Variants in CTNNAL1 observed in about 807,000 individuals in gnomAD.
The protein encoded by CTNNAL1 is catenin alpha like 1, also known as alpha-catulin.
In CTNNAL1, 69 loss-of-function variants were observed where a neutral mutation model predicts 93.6. That is an observed-to-expected ratio of 0.74 (90% CI 0.61 to 0.90). The LOEUF (loss-of-function observed/expected upper bound fraction) is 0.90. Ranked by LOEUF, CTNNAL1 falls within the 40% of genes least tolerant of loss-of-function variation. The probability of loss-of-function intolerance (pLI) is 0.00; values close to 1 mark genes in which losing one functional copy is unlikely to be tolerated. For synonymous variants in CTNNAL1, 286 were observed against 305.4 expected (o/e 0.94, Z 0.66); for missense variants, 836 against 862.0 (o/e 0.97, Z 0.38).
chr9:108,987,745 G>A lies in CTNNAL1; in HGVS notation c.639+2981C>T, dbSNP rs1481501842. Among the ~76,000 whole-genome samples the A allele has an allele frequency of 3.3e-5, 5 of 152,240 alleles. No individual in the cohort carries two copies. In the South Asian group the frequency reaches 6.2e-4, roughly 19 times the overall value. ...AGTTCTCCTTGAAGAGGTCCTTCAC[G>A]TCCCTTGTAGTTGGATTCCTAAGTA... On this transcript the variant is annotated intron_variant, in intron 4 of 18. Transcript: ENST00000325551.
chr9:108,948,840 G>A lies in CTNNAL1; in HGVS notation c.1836-606C>T, dbSNP rs145590769. Reference sequence around the variant, plus strand: ...CAATAAGAATAACCAAATGCATTAAGAAGAGCAATGGACTAGGGATAAGTC... The same window carrying A: ...CAATAAGAATAACCAAATGCATTAAAAAGAGCAATGGACTAGGGATAAGTC... On this transcript the variant is annotated intron_variant, in intron 14 of 18. Transcript: ENST00000325551. Among the ~76,000 whole-genome samples, 600 of 152,174 alleles carry A rather than the reference G, an allele frequency of 3.9e-3. 5 individuals are homozygous for A. Among genetic ancestry groups the A allele is most frequent in the African/African-American group, 0.014 (578 of 41,536 alleles).
intron 6 of CTNNAL1, 50 bp from the exon 7 acceptor site, chr9:108,979,531 C>G (rs1416446212): frequency 6.4e-7 from 1 of 1,569,340 alleles, no homozygotes; most frequent in Non-Finnish European, 8.7e-7. Context: ...ATATTCCCAC[C>G]TGACCAAAAT....
intron 1 of CTNNAL1, among the ~76,000 whole-genome samples, chr9:109,002,066 CCT>C (rs1826849641): frequency 6.6e-6 from 1 of 152,148 alleles, no homozygotes; most frequent in South Asian, 2.1e-4. Context: ...AGCATGATGA[CCT>C]TTGAGGAAGC....
chr9:108,965,162 AC>A (rs1424673083), intron 11 of CTNNAL1, among the ~76,000 whole-genome samples: 1 of 152,114 alleles, frequency 6.6e-6, no homozygotes, highest in African/African-American at 2.4e-5. Context: ...CACCTGGCCT[AC>A]TACACTGTTG....
chr9:108,984,414 T>G lies in CTNNAL1; in HGVS notation c.662A>C (p.Lys221Thr). 1 of 1,606,078 alleles carries G rather than the reference T, an allele frequency of 6.2e-7. No homozygotes were observed. Among genetic ancestry groups the G allele is most frequent in the Non-Finnish European group, 8.5e-7 (1 of 1,172,978 alleles). The change falls in exon 5 of 19, where the codon AAG becomes ACG. Residue 221 changes from lysine (K) to threonine (T), a missense_variant. Coordinates refer to ENST00000325551, the MANE Select transcript of CTNNAL1 (RefSeq NM_003798.4). ...RQNDLKDEKK[K>T]AKMAAARAVL... ...TGCCCTAGCTGCTGCCATTTTTGCC[T>G]TTTTCTTTTCATCTTTCAAATCCTA...
chr9:108,955,274 C>T, intron 12 of CTNNAL1, among the ~76,000 whole-genome samples: 1 of 152,202 alleles, frequency 6.6e-6, no homozygotes, highest in Non-Finnish European at 1.5e-5. Context: ...GCATAAGACA[C>T]CGTGCCCAGC....
At chr9:108,959,133 G>A (rs1309523495) in intron 11 of CTNNAL1, among the ~76,000 whole-genome samples, 1 of 151,098 alleles carries the variant, frequency 6.6e-6, no homozygotes, top group Non-Finnish European at 1.5e-5. Context: ...GCTGAGGCAG[G>A]CAGATTATGA....
At position 108,972,783 on chromosome 9, in the gene CTNNAL1, A is replaced by G; in HGVS notation, c.1239T>C (p.Ala413=). The change falls in exon 9 of 19, where the codon GCT becomes GCC. Residue 413 remains alanine, a synonymous_variant. Coordinates refer to ENST00000325551, the MANE Select transcript of CTNNAL1 (RefSeq NM_003798.4). ...TTAATGCTTTTAGAACCACATGATC[A>G]GCATGGTATTTTAATAGATCTGCTG... ...QLAADLLKYH[A]DHVVLKALKL... 4 of 1,354,508 alleles carry G rather than the reference A, an allele frequency of 3.0e-6. No individual in the cohort carries two copies. Among genetic ancestry groups the G allele is most frequent in the Non-Finnish European group, 3.9e-6 (4 of 1,022,984 alleles). The allele number at this position is 1,354,508 out of a possible 1,614,324, so 83.9% of individuals were successfully genotyped here.
At chr9:108,993,277 G>A (rs1027335989) in intron 2 of CTNNAL1, among the ~76,000 whole-genome samples, 1 of 152,160 alleles carries the variant, frequency 6.6e-6, no homozygotes, top group African/African-American at 2.4e-5. Flanking sequence ...TTTCACCCTT[G>A]GGTTTTCACG....
chr9:108,943,697 T>C lies in CTNNAL1; in HGVS notation c.2055+6A>G, dbSNP rs1830314265. The C allele has an allele frequency of 1.2e-6, 2 of 1,605,240 alleles. No individual in the cohort carries two copies. The highest frequency in any genetic ancestry group is 2.7e-5 in the African/African-American group (2 of 74,444). ...TGTGTGAAAGTTTTTCATATGTCTC[T>C]TTTACCTTTAGAAATACTTTATTCT... is the stretch of plus-strand genomic sequence containing the variant. On this transcript the variant is annotated splice_donor_region_variant and intron_variant, in intron 17 of 18. Coordinates refer to ENST00000325551, the MANE Select transcript of CTNNAL1 (RefSeq NM_003798.4).
At chr9:109,000,825 G>C (rs116976406) in intron 1 of CTNNAL1, among the ~76,000 whole-genome samples, 3,741 of 152,022 alleles carry the variant, frequency 0.025, 69 homozygotes, top group Non-Finnish European at 0.038. Context: ...GAGATGGGAT[G>C]GGCAGGGACC....
chr9:108,973,283 G>A (rs1159074099), intron 8 of CTNNAL1, among the ~76,000 whole-genome samples: 1 of 152,126 alleles, frequency 6.6e-6, no homozygotes, highest in Admixed American at 6.6e-5. Context: ...AGTATTAAGA[G>A]TGCAATATTT....
rs1420106537 is a variant in CTNNAL1, at chr9:109,013,283, G to A, written c.141+19C>T. 1.4e-6 allele frequency: 2 copies of A among 1,480,198 alleles called. No individual in the cohort carries two copies. The highest frequency in any genetic ancestry group is 2.9e-5 in the East Asian group (1 of 34,388). The allele number at this position is 1,480,198 out of a possible 1,614,324, so 91.7% of individuals were successfully genotyped here. On this transcript the variant is annotated intron_variant, in intron 1 of 18. Transcript: ENST00000325551. Reference sequence around the variant, plus strand: ...CGCGGCGGGAAGGAGAAGAGGGGCCGCGCCAGGCGCCACTTTACCTGAGAA... The same window carrying A: ...CGCGGCGGGAAGGAGAAGAGGGGCCACGCCAGGCGCCACTTTACCTGAGAA...
Position 108,942,762 on chromosome 9 carries a change from A to G in CTNNAL1, c.*7T>C. On this transcript the variant is annotated 3_prime_UTR_variant, in exon 19 of 19. Coordinates refer to ENST00000325551, the MANE Select transcript of CTNNAL1 (RefSeq NM_003798.4). ...TGATGTTCCAGAGATCTGACCCCAAAAGCTTCTCAAGTTTTACTATCCATA... is the reference window on the plus strand; with the variant it reads ...TGATGTTCCAGAGATCTGACCCCAAGAGCTTCTCAAGTTTTACTATCCATA... 1.3e-6 allele frequency: 2 copies of G among 1,585,534 alleles called. No individual in the cohort carries two copies. The highest frequency in any genetic ancestry group is 1.7e-6 in the Non-Finnish European group (2 of 1,155,262).
chr9:108,942,636 G>T lies in CTNNAL1; in HGVS notation c.*133C>A. ...AGCTTTACAATCAGTTTCATGATCA[G>T]AAAATAGAGCAAAATTTCAATATTG... On this transcript the variant is annotated 3_prime_UTR_variant, in exon 19 of 19. Coordinates refer to ENST00000325551, the MANE Select transcript of CTNNAL1 (RefSeq NM_003798.4). 2 of 673,660 alleles carry T rather than the reference G, an allele frequency of 3.0e-6. No homozygotes were observed. Among genetic ancestry groups the T allele is most frequent in the South Asian group, 4.1e-5 (2 of 48,616 alleles). The allele number at this position is 673,660 out of a possible 1,614,324, so 41.7% of individuals were successfully genotyped here. A position where few individuals can be genotyped will look rare whatever the true frequency, so the allele number is the denominator to read the frequency against.
intron 12 of CTNNAL1, among the ~76,000 whole-genome samples, chr9:108,955,097 G>T (rs543912233): frequency 6.6e-6 from 1 of 152,088 alleles, no homozygotes; most frequent in African/African-American, 2.4e-5. Flanking sequence ...CGAGTAGCTG[G>T]GATTACAGGC....
intron 4 of CTNNAL1, among the ~76,000 whole-genome samples, chr9:108,988,547 C>A (rs549335930): frequency 6.6e-6 from 1 of 152,166 alleles, no homozygotes; most frequent in Non-Finnish European, 1.5e-5. Context: ...AGTCAGAAAA[C>A]GTCATTCTCC....
At chr9:108,960,912 T>G (rs1409235558) in intron 11 of CTNNAL1, among the ~76,000 whole-genome samples, 1 of 152,176 alleles carries the variant, frequency 6.6e-6, no homozygotes, top group Admixed American at 6.5e-5. Context: ...GATTTTTACC[T>G]TCTTGAAACA....
In CTNNAL1 at chr9:108,942,843, AG is replaced by A; in HGVS notation, c.2140-10del. The stretch of plus-strand genomic sequence containing the variant: ...TTATTTTCCATCTGAAGCTGGAAAG[AG>A]TTAAGACAATTAGTATCTGGTTTCA... On this transcript the variant is annotated splice_polypyrimidine_tract_variant and intron_variant, in intron 18 of 18. Transcript: ENST00000325551. 6.2e-7 allele frequency: 1 copy of A among 1,613,634 alleles called. No homozygotes were observed. Among genetic ancestry groups the A allele is most frequent in the Non-Finnish European group, 8.5e-7 (1 of 1,179,734 alleles).
Sources: allele counts gnomAD v4.1 joint callset (sites outside exome capture counted in the v4.1 genomes callset), GRCh38; gene constraint gnomAD v4.1.1; transcripts MANE v1.5; gene names NCBI Gene and HGNC (gene_info 2026-07-23, HGNC 2026-07-21).